Variants in CDHR3 observed in about 807,000 individuals in gnomAD.
The protein encoded by CDHR3 is cadherin related family member 3.
CDHR3 carries 79 observed loss-of-function variants against 86.6 expected under a neutral mutation model. That is an observed-to-expected ratio of 0.91 (90% CI 0.76 to 1.10). CDHR3 has a LOEUF of 1.10. Among genes scored for constraint, CDHR3 ranks in the 50% least tolerant of loss-of-function variants. The pLI is 0.00. For missense variants in CDHR3, 1,081 were observed against 1,077.6 expected, an observed-to-expected ratio of 1.00 and a Z score of -0.04; for synonymous variants, 421 against 402.4, an observed-to-expected ratio of 1.05 and a Z score of -0.55.
chr7:105,980,490 G>C (rs569192613), intron 2 of CDHR3, among the ~76,000 whole-genome samples: 3 of 149,530 alleles, frequency 2.0e-5, no homozygotes, highest in African/African-American at 7.4e-5. Flanking sequence ...TGTTACATAT[G>C]TATACAGGTG....
chr7:105,975,522 T>C (rs551404003), intron 2 of CDHR3, among the ~76,000 whole-genome samples: 141 of 152,348 alleles, frequency 9.3e-4, no homozygotes, highest in African/African-American at 3.2e-3. Context: ...AATATAAGTC[T>C]AAATGTCCAG....
intron 13 of CDHR3, among the ~76,000 whole-genome samples, chr7:106,021,244 C>A (rs1280531259): frequency 6.6e-6 from 1 of 151,940 alleles, no homozygotes; most frequent in Non-Finnish European, 1.5e-5. Flanking sequence ...AGATTTAAAC[C>A]CAAACAAGCA....
chr7:106,028,210 C>T (rs1837673218), intron 16 of CDHR3, among the ~76,000 whole-genome samples: 1 of 151,712 alleles, frequency 6.6e-6, no homozygotes, highest in Non-Finnish European at 1.5e-5. Flanking sequence ...ACAAAACCCA[C>T]ACCTTATGAA....
rs779706350 is a variant in CDHR3, at chr7:106,015,145, A to G, written c.1259A>G (p.Asn420Ser). Residue 420 changes from asparagine (N) to serine (S), a missense_variant, in exon 10 of 19, where the codon AAC becomes AGC. Physicochemically the swap from Asn to Ser is conservative, Grantham distance 46. Coordinates refer to ENST00000317716, the MANE Select transcript of CDHR3 (RefSeq NM_152750.5). The part of the protein sequence containing the change: ...IGDLDYENPS[N>S]LAAGNKYTVI... ...GATCTAGACTACGAAAATCCAAGTA[A>G]CCTAGCAGCCGGCAATAAATATACG... The G allele has an allele frequency of 6.2e-7, 1 of 1,610,918 alleles. No homozygotes were observed. Among genetic ancestry groups the G allele is most frequent in the Non-Finnish European group, 8.5e-7 (1 of 1,178,662 alleles).
chr7:106,001,370 C>T, intron 6 of CDHR3, 92 bp from the exon 7 acceptor site: 1 of 1,393,606 alleles, frequency 7.2e-7, no homozygotes, highest in Non-Finnish European at 1.0e-6. Flanking sequence ...CAGCTCTGCA[C>T]TATATTTAGC....
chr7:106,031,647 T>G (rs1838385062), intron 18 of CDHR3, among the ~76,000 whole-genome samples: 1 of 152,194 alleles, frequency 6.6e-6, no homozygotes, highest in African/African-American at 2.4e-5. Context: ...CACATTAGCA[T>G]AAGTGCTGGT....
At chr7:105,991,204 C>T (rs1183590352) in intron 4 of CDHR3, among the ~76,000 whole-genome samples, 1 of 152,150 alleles carries the variant, frequency 6.6e-6, no homozygotes, top group Non-Finnish European at 1.5e-5. Context: ...TTTGATTAAA[C>T]AAGCCTTTAA....
At chr7:106,022,638 T>C (rs1449330132) in intron 14 of CDHR3, among the ~76,000 whole-genome samples, 190 bp downstream of exon 14, 1 of 152,176 alleles carries the variant, frequency 6.6e-6, no homozygotes, top group African/African-American at 2.4e-5. Context: ...GACCTCAGAC[T>C]CATAACCGCT....
rs1838189094 is a variant in CDHR3 at position 106,030,651 on chromosome 7, C to T, written c.2305-141C>T. ...CCTGCCTTGTTCATCACTGTGTCCC[C>T]TGCATCTATCACAGTGCCTAATTAA... On this transcript the variant is annotated intron_variant, in intron 17 of 18. Transcript: ENST00000317716. This position sits in a 1 kb window ranked among gnomAD's most constrained non-coding sequence, Gnocchi z 4.8. 2.8e-6 allele frequency: 2 copies of T among 716,198 alleles called. No homozygotes were observed. Among genetic ancestry groups the T allele is most frequent in the Admixed American group, 2.3e-5 (1 of 43,070 alleles). 44.4% of individuals were successfully genotyped at this position (716,198 alleles called of 1,614,324 possible).
chr7:106,028,941 TTTCTTTCTTTC>T (rs1563312065), intron 17 of CDHR3, among the ~76,000 whole-genome samples: 20 of 139,482 alleles, frequency 1.4e-4, no homozygotes, highest in African/African-American at 5.1e-4. Context: ...TCTTTCTTTC[TTTCTTTCTTTC>T]TTTCTTTCTT....
At chr7:105,996,527 T>G (rs1209720596) in intron 6 of CDHR3, among the ~76,000 whole-genome samples, 173 bp downstream of exon 6, 2 of 152,132 alleles carry the variant, frequency 1.3e-5, no homozygotes, top group Non-Finnish European at 2.9e-5. Context: ...TGGACTGCTG[T>G]TTTCCACCTT....
intron 8 of CDHR3, among the ~76,000 whole-genome samples, chr7:106,008,502 A>G (rs1293335421): frequency 6.6e-6 from 1 of 151,642 alleles, no homozygotes; most frequent in African/African-American, 2.4e-5. Context: ...CCCTTTACTG[A>G]CCCCTCCTAG....
At position 106,032,713 on chromosome 7, in the gene CDHR3, G is replaced by A. The variant is rs1427826538; in HGVS notation, c.*16G>A. 1.3e-6 allele frequency: 2 copies of A among 1,597,108 alleles called. No homozygotes were observed. Among genetic ancestry groups the A allele is most frequent in the Non-Finnish European group, 1.7e-6 (2 of 1,170,240 alleles). ...AGGAAAGTAAACGGGGTCTAAGGAG[G>A]GGCCTGTCAATCACTGAGATGCTGC... is the stretch of plus-strand genomic sequence containing the variant. On this transcript the variant is annotated 3_prime_UTR_variant, in exon 19 of 19. Coordinates refer to ENST00000317716, the MANE Select transcript of CDHR3 (RefSeq NM_152750.5).
rs1211910672 is a variant in CDHR3 at position 106,024,461 on chromosome 7, C to T, written c.2157C>T (p.Gly719=). ...ACGTGCCGTTTGTCATCACTTTGGG[C>T]TCCATATTGCTTCTGGGTCTCCTCG... ...AWYVPFVITL[G]SILLLGLLVY... is the part of the protein sequence containing the mutation. Residue 719 remains glycine, a synonymous_variant, in exon 15 of 19, where the codon GGC becomes GGT. Transcript: ENST00000317716. 2.5e-6 allele frequency: 4 copies of T among 1,613,910 alleles called. No homozygotes were observed. The highest frequency in any genetic ancestry group is 2.5e-6 in the Non-Finnish European group (3 of 1,179,898).
chr7:105,992,507 G>T (rs1024983214), intron 4 of CDHR3, among the ~76,000 whole-genome samples: 5 of 152,182 alleles, frequency 3.3e-5, no homozygotes, highest in African/African-American at 9.7e-5. Context: ...GTACTGCCAA[G>T]GTGCTTGCAC....
At chr7:106,009,138 G>A (rs940508558) in intron 8 of CDHR3, among the ~76,000 whole-genome samples, 4 of 152,130 alleles carry the variant, frequency 2.6e-5, no homozygotes, top group African/African-American at 4.8e-5. Flanking sequence ...TGTGAAATCC[G>A]TAGCTGGACT....
chr7:105,979,126 G>A (rs556672093), intron 2 of CDHR3, among the ~76,000 whole-genome samples: 101 of 152,234 alleles, frequency 6.6e-4, no homozygotes, highest in African/African-American at 2.3e-3. Flanking sequence ...TTAGCTCATC[G>A]AATCCTCATG....
intron 7 of CDHR3, 98 bp from the exon 8 acceptor site, chr7:106,004,400 T>C (rs1833645434): frequency 1.1e-6 from 1 of 906,424 alleles, no homozygotes; most frequent in South Asian, 1.7e-5. Flanking sequence ...GCATAAGCTC[T>C]TCCTCATGTT....
At position 106,035,717 on chromosome 7, in the gene CDHR3, A is replaced by G. The variant is rs1490038815; in HGVS notation, c.*3020A>G. The G allele has an allele frequency of 6.6e-6, 1 of 152,168 alleles. No homozygotes were observed. Among genetic ancestry groups the G allele is most frequent in the African/African-American group, 2.4e-5 (1 of 41,446 alleles). 9.4% of individuals were successfully genotyped at this position (152,168 alleles called of 1,614,324 possible). On this transcript the variant is annotated 3_prime_UTR_variant, in exon 19 of 19. Transcript: ENST00000317716. ...CACAATTGGTCTGATTGGTTGCAGG[A>G]AGCAACCAATCAGAGACTGAAGTGG...
Sources: allele counts gnomAD v4.1 joint callset (sites outside exome capture counted in the v4.1 genomes callset), GRCh38; gene constraint gnomAD v4.1.1; non-coding constraint Gnocchi (gnomAD v3.1); transcripts MANE v1.5; gene names NCBI Gene and HGNC (gene_info 2026-07-23, HGNC 2026-07-21).